RABGEF1: variants seen among roughly 807,000 people sequenced by gnomAD.
RABGEF1 encodes the protein rab5 GDP/GTP exchange factor.
Under a neutral mutation model 57.3 loss-of-function variants are expected in RABGEF1, and 26 were observed. That is an observed-to-expected ratio of 0.45 (90% CI 0.33 to 0.63). The LOEUF (loss-of-function observed/expected upper bound fraction) is 0.63, where lower values mean the gene tolerates loss of function less well. Among genes scored for constraint, RABGEF1 ranks in the 20% least tolerant of loss-of-function variants. The pLI is 0.02. For synonymous variants in RABGEF1, 185 were observed against 210.7 expected, an observed-to-expected ratio of 0.88 and a Z score of 1.06; for missense variants, 464 against 607.6, an observed-to-expected ratio of 0.76 and a Z score of 2.48.
At chr7:66,725,351 C>T (rs1458440210) in intron 2 of RABGEF1, among the ~76,000 whole-genome samples, 5 of 152,168 alleles carry the variant, frequency 3.3e-5, no homozygotes, top group African/African-American at 1.2e-4. Context: ...TAGCCCTTGT[C>T]CCACAGTCCC....
chr7:66,767,000 CTTTTT>C (rs34123866), intron 1 of RABGEF1, among the ~76,000 whole-genome samples: 3 of 102,596 alleles, frequency 2.9e-5, no homozygotes, highest in East Asian at 3.0e-4. Flanking sequence ...TGTCAAGTTT[CTTTTT>C]TTTTTTTTTT....
chr7:66,755,102 G>A (rs1432280212), intron 1 of RABGEF1, among the ~76,000 whole-genome samples: 1 of 152,080 alleles, frequency 6.6e-6, no homozygotes, highest in African/African-American at 2.4e-5. Flanking sequence ...AGACCATCCT[G>A]GCTAACACAG....
chr7:66,664,266 A>G, the RABGEF1 span, among the ~76,000 whole-genome samples: 4 of 152,028 alleles, frequency 2.6e-5, no homozygotes, highest in Non-Finnish European at 2.9e-5. Flanking sequence ...ATGTGTAAAC[A>G]GTGAACACAG....
the RABGEF1 span, among the ~76,000 whole-genome samples, chr7:66,670,877 T>A: frequency 8.2e-5 from 12 of 145,706 alleles, no homozygotes; most frequent in African/African-American, 2.5e-4. Flanking sequence ...TTTTTATTTA[T>A]TTAATACACA....
chr7:66,711,127 T>G (rs1384162460), intron 1 of RABGEF1, among the ~76,000 whole-genome samples: 2 of 152,228 alleles, frequency 1.3e-5, no homozygotes, highest in Admixed American at 6.5e-5. Flanking sequence ...ACCACTGCAC[T>G]CCAGCCCGGT....
the RABGEF1 span, among the ~76,000 whole-genome samples, chr7:66,658,666 C>T: frequency 6.6e-6 from 1 of 152,088 alleles, no homozygotes; most frequent in Non-Finnish European, 1.5e-5. Flanking sequence ...TTCTACCAGA[C>T]ATTTAAAGGA....
chr7:66,751,175 C>G (rs138399637), intron 1 of RABGEF1, among the ~76,000 whole-genome samples: 1 of 152,098 alleles, frequency 6.6e-6, no homozygotes, highest in South Asian at 2.1e-4. Flanking sequence ...GAATTACAGA[C>G]GTGCGCCACC....
chr7:66,809,137 T>C lies in RABGEF1; in HGVS notation c.1329T>C (p.Asp443=). Residue 443 remains aspartate, a synonymous_variant, in exon 9 of 9, where the codon GAT becomes GAC. Transcript: ENST00000284957. ...AAAAAGACCTCATAGATTGGACAGA[T>C]GGAATTGCAAGAGAAGTTCAAGACA... ...KLEKDLIDWT[D]GIAREVQDIV... The C allele has an allele frequency of 6.2e-7, 1 of 1,614,168 alleles. No individual in the cohort carries two copies. Among genetic ancestry groups the C allele is most frequent in the Non-Finnish European group, 8.5e-7 (1 of 1,180,036 alleles).
chr7:66,802,986 A>G (rs1380014571), intron 7 of RABGEF1, among the ~76,000 whole-genome samples: 1 of 152,264 alleles, frequency 6.6e-6, no homozygotes, highest in Non-Finnish European at 1.5e-5. Flanking sequence ...AAGGCTAAAG[A>G]TAAATGAAGG....
intron 7 of RABGEF1, among the ~76,000 whole-genome samples, chr7:66,801,356 T>A (rs1220260854): frequency 6.6e-6 from 1 of 152,198 alleles, no homozygotes; most frequent in Non-Finnish European, 1.5e-5. Flanking sequence ...ATGGGGTCCA[T>A]CCTCTGAAGC....
chr7:66,660,153 C>A, the RABGEF1 span, among the ~76,000 whole-genome samples: 1 of 151,662 alleles, frequency 6.6e-6, no homozygotes, highest in Admixed American at 6.6e-5. Context: ...CGAGACCATC[C>A]TGGCTAACAC....
At chr7:66,793,329 A>C (rs1361444192) in intron 4 of RABGEF1, among the ~76,000 whole-genome samples, 2 of 152,194 alleles carry the variant, frequency 1.3e-5, no homozygotes, top group African/African-American at 4.8e-5. Context: ...GCCTGAAGGT[A>C]ATTTTATACC....
intron 2 of RABGEF1, among the ~76,000 whole-genome samples, chr7:66,735,688 C>G (rs1467118051): frequency 2.0e-5 from 3 of 152,162 alleles, no homozygotes; most frequent in Admixed American, 6.5e-5. Flanking sequence ...CTCCCCCTCT[C>G]TCTCTCTTCC....
the RABGEF1 span, among the ~76,000 whole-genome samples, chr7:66,657,381 T>C: frequency 6.6e-6 from 1 of 152,148 alleles, no homozygotes; most frequent in African/African-American, 2.4e-5. Context: ...ATAAACACAC[T>C]CTTGATCACT....
chr7:66,754,112 C>T (rs1271497214), intron 1 of RABGEF1, among the ~76,000 whole-genome samples: 6 of 150,082 alleles, frequency 4.0e-5, no homozygotes, highest in Non-Finnish European at 7.4e-5. Flanking sequence ...AAGCGATTCT[C>T]CTGCCTCACC....
chr7:66,749,352 G>C (rs1049654115), intron 1 of RABGEF1, among the ~76,000 whole-genome samples: 2 of 152,118 alleles, frequency 1.3e-5, no homozygotes, highest in Non-Finnish European at 2.9e-5. Flanking sequence ...AACTGCCCTT[G>C]CCTAAATATA....
the RABGEF1 span, among the ~76,000 whole-genome samples, chr7:66,657,325 G>C: frequency 6.6e-6 from 1 of 152,126 alleles, no homozygotes; most frequent in Non-Finnish European, 1.5e-5. Context: ...AATGAAACTA[G>C]AAATCAGTAA....
chr7:66,677,265 G>A (rs77672395), upstream of RABGEF1, among the ~76,000 whole-genome samples: 2 of 152,162 alleles, frequency 1.3e-5, no homozygotes, highest in South Asian at 2.1e-4. Context: ...TAAAGGCCAC[G>A]CCTGAAAAAT....
chr7:66,734,712 T>C (rs1488318656), intron 2 of RABGEF1, among the ~76,000 whole-genome samples: 1 of 151,168 alleles, frequency 6.6e-6, no homozygotes, highest in African/African-American at 2.4e-5. Context: ...GGATTACAGG[T>C]GTGAGCCACC....
Sources: allele counts gnomAD v4.1 joint callset (sites outside exome capture counted in the v4.1 genomes callset), GRCh38; gene constraint gnomAD v4.1.1; transcripts MANE v1.5; gene names NCBI Gene and HGNC (gene_info 2026-07-23, HGNC 2026-07-21).